The following RPH3AL variants were observed in gnomAD, a reference collection of about 807,000 sequenced individuals.
RPH3AL encodes the protein rab effector Noc2.
In RPH3AL, 38 loss-of-function variants were observed where a neutral mutation model predicts 43.1. The ratio of observed to expected loss-of-function variants is 0.88; its 90% CI spans 0.68 to 1.15. The LOEUF is 1.15. RPH3AL is among the 50% of genes most tolerant of loss of function. RPH3AL has a pLI of 0.00. For synonymous variants in RPH3AL, 189 were observed against 176.3 expected, an observed-to-expected ratio of 1.07 and a Z score of -0.57; for missense variants, 462 against 423.2, an observed-to-expected ratio of 1.09 and a Z score of -0.81.
At chr17:280,897 G>T (rs1024809481) in intron 6 of RPH3AL, among the ~76,000 whole-genome samples, 2 of 152,192 alleles carry the variant, frequency 1.3e-5, no homozygotes, top group Non-Finnish European at 2.9e-5. Flanking sequence ...TTCCAGAATT[G>T]AAGGTGTTTT....
chr17:244,405 GGAGAGGGA>G (rs1421827998), intron 7 of RPH3AL, among the ~76,000 whole-genome samples: 2 of 152,090 alleles, frequency 1.3e-5, no homozygotes, highest in African/African-American at 2.4e-5. Flanking sequence ...TGGGATGTAG[GGAGAGGGA>G]GAGAGGGAGA....
chr17:242,114 C>T (rs1403842791), intron 7 of RPH3AL, among the ~76,000 whole-genome samples: 2 of 151,094 alleles, frequency 1.3e-5, no homozygotes, highest in Admixed American at 6.6e-5. Flanking sequence ...AAGACTGTCT[C>T]AATAAAAAAA....
intron 6 of RPH3AL, among the ~76,000 whole-genome samples, chr17:272,247 A>G (rs1000925306): frequency 6.6e-6 from 1 of 152,142 alleles, no homozygotes; most frequent in African/African-American, 2.4e-5. Context: ...CAGCCATCCC[A>G]TTACTGGGTA....
chr17:244,004 A>G (rs1264806827), intron 7 of RPH3AL, among the ~76,000 whole-genome samples: 4 of 144,628 alleles, frequency 2.8e-5, no homozygotes, highest in African/African-American at 1.1e-4. Context: ...TCCTCTATTG[A>G]TTACCCTTCC....
rs782713275 is a variant in RPH3AL at position 249,937 on chromosome 17, C to T, written c.439-2652G>A. Among the ~76,000 whole-genome samples, 100 of 149,504 alleles carry T rather than the reference C, an allele frequency of 6.7e-4. 1 individual carries two copies. Among genetic ancestry groups the T allele is most frequent in the Non-Finnish European group, 1.1e-3 (77 of 67,424 alleles). On this transcript the variant is annotated intron_variant, in intron 6 of 9. Transcript: ENST00000331302. ...GAGCCTTTACTAAGCTCCGTCGCTG[C>T]GGGACCTCTCAGAGCCTTTACTAAG...
intron 5 of RPH3AL, among the ~76,000 whole-genome samples, chr17:302,879 G>A (rs1034911802): frequency 2.0e-5 from 3 of 152,372 alleles, no homozygotes; most frequent in South Asian, 4.1e-4. Context: ...GTGTGAGTGC[G>A]AAGAGACAGA....
At chr17:269,935 G>C (rs1164476547) in intron 6 of RPH3AL, among the ~76,000 whole-genome samples, 2 of 152,164 alleles carry the variant, frequency 1.3e-5, no homozygotes, top group Non-Finnish European at 2.9e-5. Flanking sequence ...GTGCAGTGCA[G>C]GAGTCCCCAT....
chr17:320,729 C>G (rs146809364), intron 4 of RPH3AL, among the ~76,000 whole-genome samples: 364 of 152,276 alleles, frequency 2.4e-3, no homozygotes, highest in African/African-American at 8.0e-3. Flanking sequence ...TTGTGTCTTC[C>G]TACTTGTGCT....
chr17:251,668 C>T (rs1347833236), intron 6 of RPH3AL, among the ~76,000 whole-genome samples: 1 of 152,242 alleles, frequency 6.6e-6, no homozygotes, highest in African/African-American at 2.4e-5. Context: ...ACAGCAGCCA[C>T]CAAGGCCACC....
chr17:286,565 G>A (rs2042917658), intron 5 of RPH3AL, among the ~76,000 whole-genome samples: 1 of 152,224 alleles, frequency 6.6e-6, no homozygotes, highest in Non-Finnish European at 1.5e-5. Flanking sequence ...CTTCCAATGG[G>A]CTCGGTCTTT....
chr17:282,196 C>T (rs557413161), intron 5 of RPH3AL, among the ~76,000 whole-genome samples: 3 of 152,232 alleles, frequency 2.0e-5, no homozygotes, highest in Non-Finnish European at 4.4e-5. Context: ...GCAAACACGA[C>T]AGCACGTGAT....
intron 5 of RPH3AL, among the ~76,000 whole-genome samples, chr17:316,955 C>G (rs549376196): frequency 5.9e-5 from 8 of 136,318 alleles, no homozygotes; most frequent in Admixed American, 2.2e-4. Context: ...GACCTGTAGT[C>G]TCTCTACACC....
In RPH3AL at chr17:314,748, C is replaced by G. The variant is rs1555518451; in HGVS notation, c.351+4672G>C. On this transcript the variant is annotated intron_variant, in intron 5 of 9. Coordinates refer to ENST00000331302, the MANE Select transcript of RPH3AL (RefSeq NM_006987.4). ...CTGACCTGTAGTCTCTGTGCTCCAC[C>G]TCCATTGACCTGTAGTCTCTGTGAC... Among the ~76,000 whole-genome samples the G allele has an allele frequency of 7.1e-3, 1,054 of 148,410 alleles. 4 individuals are homozygous for G. The highest frequency in any genetic ancestry group is 0.011 in the Admixed American group (161 of 14,792).
intron 7 of RPH3AL, among the ~76,000 whole-genome samples, chr17:219,972 A>C (rs994133252): frequency 9.9e-5 from 15 of 152,198 alleles, no homozygotes; most frequent in Non-Finnish European, 1.9e-4. Flanking sequence ...CAGGCTGACC[A>C]GCAGAGAAGA....
intron 6 of RPH3AL, among the ~76,000 whole-genome samples, chr17:265,133 C>A (rs1413774605): frequency 1.3e-5 from 2 of 152,170 alleles, no homozygotes; most frequent in African/African-American, 4.8e-5. Context: ...GTTACCCAGG[C>A]TGGAATGTAG....
chr17:259,499 A>ACCC, intron 6 of RPH3AL, among the ~76,000 whole-genome samples: 1 of 150,902 alleles, frequency 6.6e-6, no homozygotes, highest in Non-Finnish European at 1.5e-5. Context: ...ATCCACATCT[A>ACCC]CCCCTCCCCG....
At chr17:231,611 G>C (rs753307718) in intron 7 of RPH3AL, among the ~76,000 whole-genome samples, 8 of 152,218 alleles carry the variant, frequency 5.3e-5, no homozygotes, top group African/African-American at 1.9e-4. Flanking sequence ...ACAGGTGAGC[G>C]GCTGGAGATG....
intron 4 of RPH3AL, 72 bp from the exon 5 acceptor site, chr17:319,621 C>A (rs1422223502): frequency 7.7e-6 from 12 of 1,568,442 alleles, no homozygotes; most frequent in Non-Finnish European, 1.0e-5. Context: ...GGCCCGAAAC[C>A]GTACCATGCC....
chr17:243,610 G>A (rs1279064053), intron 7 of RPH3AL, among the ~76,000 whole-genome samples: 1 of 123,420 alleles, frequency 8.1e-6, no homozygotes, highest in Non-Finnish European at 1.6e-5. Context: ...TTCCTCTATT[G>A]ATTACCTTCC....
Sources: gnomAD v4.1 joint callset for allele counts (sites outside exome capture counted in the v4.1 genomes callset) on GRCh38, gnomAD v4.1.1 for gene constraint, MANE v1.5 for transcripts, NCBI Gene and HGNC (gene_info 2026-07-23, HGNC 2026-07-21) for gene names.